MAP3K3: variants seen among roughly 807,000 people sequenced by gnomAD.
MAP3K3 encodes the protein MAP/ERK kinase kinase 3.
In MAP3K3, 12 loss-of-function variants were observed where a neutral mutation model predicts 80.9. That is an observed-to-expected ratio of 0.15 (90% confidence interval 0.10 to 0.24). The LOEUF is 0.24. MAP3K3 is among the 10% of genes least tolerant of loss of function. MAP3K3 has a pLI of 1.00. For synonymous variants in MAP3K3, 272 were observed against 307.1 expected, an observed-to-expected ratio of 0.89 and a Z score of 1.19; for missense variants, 596 against 834.7, an observed-to-expected ratio of 0.71 and a Z score of 3.52.
chr17:63,677,999 A>C (rs912336724), intron 6 of MAP3K3, among the ~76,000 whole-genome samples: 1 of 152,184 alleles, frequency 6.6e-6, no homozygotes, highest in Admixed American at 6.5e-5. Flanking sequence ...GGCCAGTTCA[A>C]GGAGAAGTTA....
At chr17:63,626,474 C>G (rs550370337) in intron 1 of MAP3K3, among the ~76,000 whole-genome samples, 4 of 152,276 alleles carry the variant, frequency 2.6e-5, no homozygotes, top group African/African-American at 9.6e-5. Context: ...TATATTGATT[C>G]TTATGAGGAA....
At chr17:63,647,181 C>T (rs2034557339) in intron 3 of MAP3K3, among the ~76,000 whole-genome samples, 1 of 152,158 alleles carries the variant, frequency 6.6e-6, no homozygotes, top group Non-Finnish European at 1.5e-5. Context: ...TCAGAGGCAA[C>T]CCGGTGGAAG....
chr17:63,690,934 C>A, intron 12 of MAP3K3, 168 bp from the exon 13 acceptor site: 1 of 775,700 alleles, frequency 1.3e-6, no homozygotes, highest in Non-Finnish European at 2.0e-6. Context: ...CCAAGGCCTG[C>A]CCAGCATTGT....
intron 6 of MAP3K3, among the ~76,000 whole-genome samples, chr17:63,667,276 A>G (rs2035019808): frequency 6.6e-6 from 1 of 152,228 alleles, no homozygotes. Flanking sequence ...ATAATGATAT[A>G]GTAGTGTGAT....
At chr17:63,687,234 G>A (rs891414755) in intron 8 of MAP3K3, among the ~76,000 whole-genome samples, 2 of 151,042 alleles carry the variant, frequency 1.3e-5, no homozygotes, top group East Asian at 3.9e-4. Context: ...AGCCAGGCGC[G>A]GTGGCTCCTG....
Position 63,693,703 on chromosome 17 carries a change from A to G in MAP3K3, c.1807A>G (p.Ile603Val), listed in dbSNP as rs774161042. 6.2e-7 allele frequency: 1 copy of G among 1,605,568 alleles called. No homozygotes were observed. Among genetic ancestry groups the G allele is most frequent in the South Asian group, 1.1e-5 (1 of 90,492 alleles). Reference sequence around the variant, plus strand: ...ACATGGCCGGGACTTCCTGAGGCGCATTTTTGTGGAGGCTCGCCAGAGACC... The same window carrying G: ...ACATGGCCGGGACTTCCTGAGGCGCGTTTTTGTGGAGGCTCGCCAGAGACC... Reference protein sequence around the residue: ...SEHGRDFLRRIFVEARQRPSA... With the variant: ...SEHGRDFLRRVFVEARQRPSA... Residue 603 changes from isoleucine (I) to valine (V), a missense_variant, in exon 16 of 16, where the codon ATT (isoleucine) becomes GTT (valine). Physicochemically the swap from Ile to Val is conservative, Grantham distance 29. This residue lies in a region of MAP3K3 where 364 missense variants were observed against 588.9 expected (regional missense o/e 0.62). Coordinates refer to ENST00000361733, the MANE Select transcript of MAP3K3 (RefSeq NM_002401.5). This position sits in a 1 kb window ranked among gnomAD's most constrained non-coding sequence, Gnocchi z 4.2.
At chr17:63,658,847 G>A (rs2034826497) in intron 5 of MAP3K3, among the ~76,000 whole-genome samples, 2 of 150,942 alleles carry the variant, frequency 1.3e-5, no homozygotes, top group Non-Finnish European at 2.9e-5. Context: ...TGATTCTCCT[G>A]CTTCAGCCTC....
intron 2 of MAP3K3, among the ~76,000 whole-genome samples, chr17:63,637,673 C>T (rs754226212): frequency 7.9e-5 from 12 of 152,146 alleles, no homozygotes; most frequent in Non-Finnish European, 1.5e-4. Context: ...TAAGGTTTTT[C>T]TCTCTTTATG....
At chr17:63,688,065 A>G (rs1046383211) in intron 8 of MAP3K3, 3 of 215,472 alleles carry the variant, frequency 1.4e-5, no homozygotes, top group African/African-American at 4.7e-5. Context: ...TGGATCTGCT[A>G]TTATGCTATT....
chr17:63,664,085 A>T (rs935309857), intron 5 of MAP3K3, among the ~76,000 whole-genome samples: 1 of 149,126 alleles, frequency 6.7e-6, no homozygotes, highest in Non-Finnish European at 1.5e-5. Flanking sequence ...TACTAAAAAT[A>T]CAAAAAAAAA....
At chr17:63,634,422 G>T (rs189865496) in intron 2 of MAP3K3, among the ~76,000 whole-genome samples, 1 of 152,332 alleles carries the variant, frequency 6.6e-6, no homozygotes, top group Admixed American at 6.5e-5. Flanking sequence ...AGGAGGGGCG[G>T]AATGGTCACT....
In MAP3K3 at chr17:63,678,122, C is replaced by T. The variant is rs531352020; in HGVS notation, c.503-3644C>T. 4.7e-3 allele frequency among the ~76,000 whole-genome samples: 711 copies of T among 152,262 alleles called. 1 individual carries two copies. The highest frequency in any genetic ancestry group is 8.3e-3 in the Non-Finnish European group (565 of 68,036). ...AGTCACAAAGCCTGTTTTCTCGCTT[C>T]GGCCCCACCATAAAGTCACTTTATG... is the stretch of plus-strand genomic sequence containing the variant. On this transcript the variant is annotated intron_variant, in intron 6 of 15. Transcript: ENST00000361733.
At position 63,689,735 on chromosome 17, in the gene MAP3K3, T is replaced by C; in HGVS notation, c.1063T>C (p.Ser355Pro). ...GCAGGAGAGGAATGTGCCAACCAAG[T>C]GTGAGGAGCTGTCCCTGGCTAGGAG... ...SVQERNVPTKSPSAPINWRRG... is the reference protein window; with the variant it reads ...SVQERNVPTKPPSAPINWRRG... The change falls in exon 11 of 16, where the codon TCT (serine) becomes CCT (proline). Residue 355 changes from serine to proline, a missense_variant and splice_region_variant. By Grantham distance (74) the Ser-to-Pro change is moderately conservative. Coordinates refer to ENST00000361733, the MANE Select transcript of MAP3K3 (RefSeq NM_002401.5). This position sits in a 1 kb window ranked among gnomAD's most constrained non-coding sequence, Gnocchi z 4.3. The C allele has an allele frequency of 6.2e-7, 1 of 1,608,866 alleles. No homozygotes were observed. The highest frequency in any genetic ancestry group is 1.1e-5 in the South Asian group (1 of 90,504).
intron 2 of MAP3K3, among the ~76,000 whole-genome samples, chr17:63,645,297 C>T (rs1351505659): frequency 1.3e-5 from 2 of 151,528 alleles, no homozygotes; most frequent in Non-Finnish European, 2.9e-5. Context: ...AGTGACACTC[C>T]GTCTCAAAAA....
chr17:63,665,406 C>G (rs1228689603), intron 5 of MAP3K3, among the ~76,000 whole-genome samples: 2 of 152,036 alleles, frequency 1.3e-5, no homozygotes, highest in Non-Finnish European at 2.9e-5. Context: ...ACCTCATGAT[C>G]CGCCCGCCTC....
chr17:63,646,790 A>G (rs1380178580), intron 3 of MAP3K3, among the ~76,000 whole-genome samples: 2 of 152,228 alleles, frequency 1.3e-5, no homozygotes, highest in African/African-American at 4.8e-5. Context: ...TATTTAAGGA[A>G]AACATTCAGA....
rs755109399 is a variant in MAP3K3, at chr17:63,652,613, C to T, written c.224C>T (p.Thr75Ile). Residue 75 changes from threonine (T) to isoleucine (I), a missense_variant, in exon 4 of 16, where the codon ACA becomes ATA. Coordinates refer to ENST00000361733, the MANE Select transcript of MAP3K3 (RefSeq NM_002401.5). ...KYEDVEHKVT[T>I]VFGQPLDLHY... ...GAAGATGTGGAGCACAAGGTGACAA[C>T]AGTATTTGGACAACCTCTTGATCTA... 6.2e-7 allele frequency: 1 copy of T among 1,613,960 alleles called. No individual in the cohort carries two copies. The highest frequency in any genetic ancestry group is 8.5e-7 in the Non-Finnish European group (1 of 1,179,872).
intron 2 of MAP3K3, chr17:63,636,939 C>T (rs540343817): frequency 8.9e-6 from 5 of 561,564 alleles, no homozygotes; most frequent in Admixed American, 7.6e-5. Context: ...TCCAGCTGGA[C>T]GGGCTGGTCT....
At chr17:63,637,231 A>G (rs2034348461) in intron 2 of MAP3K3, 1 of 217,324 alleles carries the variant, frequency 4.6e-6, no homozygotes, top group Non-Finnish European at 9.2e-6. Context: ...CCTAGGAGTC[A>G]TAGAGTTGTT....
Sources: allele counts gnomAD v4.1 joint callset (sites outside exome capture counted in the v4.1 genomes callset), GRCh38; gene constraint gnomAD v4.1.1; regional missense constraint gnomAD v4.1.1; non-coding constraint Gnocchi (gnomAD v3.1); transcripts MANE v1.5; gene names NCBI Gene and HGNC (gene_info 2026-07-23, HGNC 2026-07-21).